The following FCHSD2 variants were observed in gnomAD, a reference collection of about 807,000 sequenced individuals.
FCHSD2 encodes the protein FCH and double SH3 domains 2.
In FCHSD2, 38 loss-of-function variants were observed where a neutral mutation model predicts 108.1. The observed-to-expected ratio is 0.35, with a 90% CI of 0.27 to 0.46. The LOEUF (loss-of-function observed/expected upper bound fraction) is 0.46, where lower values mean the gene tolerates loss of function less well. FCHSD2 is among the 20% of genes least tolerant of loss of function. The pLI is 1.00. For missense variants in FCHSD2, 751 were observed against 897.8 expected, an observed-to-expected ratio of 0.84 and a Z score of 2.09; for synonymous variants, 279 against 314.7, an observed-to-expected ratio of 0.89 and a Z score of 1.20.
At position 72,970,470 on chromosome 11, in the gene FCHSD2, G is replaced by C. The variant is rs1424836477; in HGVS notation, c.705+13618C>G. 2.6e-5 allele frequency among the ~76,000 whole-genome samples: 4 copies of C among 152,218 alleles called. No homozygotes were observed. In the East Asian group the frequency reaches 7.7e-4, roughly 29 times the overall value. ...TAATCATGTGTTCACATTTTAACCTGGTTGGTTTTAAAAAATCAAAGCTAC... is the reference window on the plus strand; with the variant it reads ...TAATCATGTGTTCACATTTTAACCTCGTTGGTTTTAAAAAATCAAAGCTAC... On this transcript the variant is annotated intron_variant, in intron 8 of 19. Coordinates refer to ENST00000409418, the MANE Select transcript of FCHSD2 (RefSeq NM_014824.3).
chr11:72,985,021 A>C, intron 7 of FCHSD2, 41 bp downstream of exon 7: 1 of 803,580 alleles, frequency 1.2e-6, no homozygotes, highest in Non-Finnish European at 2.1e-6. Flanking sequence ...TTACAAGCTA[A>C]GAGGTTTCTC....
chr11:72,922,002 TATG>T (rs1301286299), intron 8 of FCHSD2, 52 bp from the exon 9 acceptor site: 9 of 1,344,476 alleles, frequency 6.7e-6, no homozygotes, highest in Non-Finnish European at 9.2e-6. Flanking sequence ...AGCCTTGACA[TATG>T]ATATCTTCTG....
chr11:72,943,678 A>C (rs190302628), intron 8 of FCHSD2, among the ~76,000 whole-genome samples: 288 of 152,334 alleles, frequency 1.9e-3, no homozygotes, highest in Non-Finnish European at 2.7e-3. Context: ...ATATAAAATT[A>C]TATTGGCTGT....
intron 13 of FCHSD2, among the ~76,000 whole-genome samples, chr11:72,866,887 C>G (rs1854739099): frequency 1.3e-5 from 2 of 152,192 alleles, no homozygotes; most frequent in South Asian, 4.1e-4. Flanking sequence ...ACTATGAAGA[C>G]AGTGGGAAGT....
At chr11:72,903,801 G>A (rs1855576580) in intron 9 of FCHSD2, among the ~76,000 whole-genome samples, 1 of 152,090 alleles carries the variant, frequency 6.6e-6, no homozygotes, top group Non-Finnish European at 1.5e-5. Context: ...AGTAGTCCTG[G>A]GAAAAGGGAT....
rs144200516 is a variant in FCHSD2, at chr11:72,842,680, G to A, written c.1867C>T (p.Leu623=). Reference sequence around the variant, plus strand: ...TCTGAGGCTGAAAGTTCTTCCACTAGCACCGATGGGAAAACTCCAATACGC... The same window carrying A: ...TCTGAGGCTGAAAGTTCTTCCACTAACACCGATGGGAAAACTCCAATACGC... ...NGRIGVFPSV[L]VEELSASENG... is the part of the protein sequence containing the mutation. Residue 623 remains leucine, a synonymous_variant, in exon 17 of 20, where the codon CTA becomes TTA. Transcript: ENST00000409418. The A allele has an allele frequency of 2.5e-6, 4 of 1,613,844 alleles. No individual in the cohort carries two copies. In the African/African-American group the frequency reaches 4.0e-5, roughly 16 times the overall value.
rs1418353743 is a variant in FCHSD2 at position 73,122,795 on chromosome 11, GATT to G, written c.119+17233_119+17235del. Among the ~76,000 whole-genome samples the G allele has an allele frequency of 1.3e-5, 2 of 152,156 alleles. 1 individual carries two copies. Among genetic ancestry groups the G allele is most frequent in the Non-Finnish European group, 2.9e-5 (2 of 68,032 alleles). On this transcript the variant is annotated intron_variant, in intron 2 of 19. Transcript: ENST00000409418. ...AGAATGAATTTGCCATCCCAAAGTG[GATT>G]ATATTTTTCAAAAGAGCACAAACAA...
intron 9 of FCHSD2, 92 bp downstream of exon 9, chr11:72,921,736 T>C: frequency 2.0e-6 from 2 of 1,025,606 alleles, no homozygotes; most frequent in South Asian, 1.5e-5. Context: ...TGCATTCTTC[T>C]AATATCACTA....
intron 10 of FCHSD2, among the ~76,000 whole-genome samples, chr11:72,896,764 T>TAAAA (rs58159831): frequency 7.3e-5 from 5 of 68,400 alleles, no homozygotes; most frequent in African/African-American, 1.1e-4. Context: ...GGGAAAATAC[T>TAAAA]AAAAAAAAAA....
chr11:72,931,949 T>C (rs758287322), intron 8 of FCHSD2, among the ~76,000 whole-genome samples: 2 of 152,238 alleles, frequency 1.3e-5, no homozygotes, highest in East Asian at 1.9e-4. Context: ...GACTGACTTA[T>C]ATTTTGACCA....
At chr11:72,906,448 T>C (rs771109492) in intron 9 of FCHSD2, among the ~76,000 whole-genome samples, 1 of 152,246 alleles carries the variant, frequency 6.6e-6, no homozygotes, top group Non-Finnish European at 1.5e-5. Context: ...TATTTGTCTA[T>C]TTTGGTTTTT....
At chr11:72,880,431 A>G (rs72969880) in intron 12 of FCHSD2, among the ~76,000 whole-genome samples, 1 of 152,108 alleles carries the variant, frequency 6.6e-6, no homozygotes, top group East Asian at 1.9e-4. Context: ...CAGAACAGAC[A>G]TCCCAGAAAT....
At chr11:73,104,797 A>AGGTCAG (rs1420871175) in intron 2 of FCHSD2, among the ~76,000 whole-genome samples, 1 of 151,734 alleles carries the variant, frequency 6.6e-6, no homozygotes, top group African/African-American at 2.4e-5. Context: ...CAAACTCCTG[A>AGGTCAG]CCTCAGTGAT....
intron 3 of FCHSD2, among the ~76,000 whole-genome samples, chr11:73,057,239 G>C (rs1401777219): frequency 6.6e-6 from 1 of 152,162 alleles, no homozygotes; most frequent in Non-Finnish European, 1.5e-5. Context: ...ATGAAATCAT[G>C]TCTTTAAGTG....
At chr11:73,075,833 C>T (rs1237630685) in intron 3 of FCHSD2, among the ~76,000 whole-genome samples, 1 of 151,398 alleles carries the variant, frequency 6.6e-6, no homozygotes, top group Admixed American at 6.6e-5. Flanking sequence ...TCATTAAACA[C>T]GGGGGCCAGG....
intron 3 of FCHSD2, among the ~76,000 whole-genome samples, chr11:73,055,075 G>A (rs914224460): frequency 2.0e-5 from 3 of 152,116 alleles, no homozygotes; most frequent in South Asian, 2.1e-4. Context: ...CCTACCTGGC[G>A]GTAGGCAAGA....
intron 3 of FCHSD2, among the ~76,000 whole-genome samples, chr11:73,033,699 T>C (rs1858420167): frequency 6.6e-6 from 1 of 152,244 alleles, no homozygotes; most frequent in Non-Finnish European, 1.5e-5. Context: ...TTTATGGTTA[T>C]TGGCAATAGT....
At chr11:72,957,939 A>T (rs567473486) in intron 8 of FCHSD2, among the ~76,000 whole-genome samples, 51 of 152,358 alleles carry the variant, frequency 3.3e-4, no homozygotes, top group African/African-American at 1.2e-3. Flanking sequence ...TTATATAAAC[A>T]TAAATTATTT....
At chr11:72,911,258 T>C (rs528052095) in intron 9 of FCHSD2, among the ~76,000 whole-genome samples, 1 of 152,238 alleles carries the variant, frequency 6.6e-6, no homozygotes, top group South Asian at 2.1e-4. Context: ...CTTTCTCCAA[T>C]GTATGTTCTT....
Sources: gnomAD v4.1 joint callset for allele counts (sites outside exome capture counted in the v4.1 genomes callset) on GRCh38, gnomAD v4.1.1 for gene constraint, MANE v1.5 for transcripts, NCBI Gene and HGNC (gene_info 2026-07-23, HGNC 2026-07-21) for gene names.